The following METTL24 variants were observed in gnomAD, a reference collection of about 807,000 sequenced individuals.
METTL24 encodes methyltransferase like 24, also known as probable methyltransferase-like protein 24.
In METTL24, 29 loss-of-function variants were observed where a neutral mutation model predicts 32.7. That is an observed-to-expected ratio of 0.89 (90% CI 0.66 to 1.21). The LOEUF is 1.21. Ranked by LOEUF, METTL24 falls within the 50% of genes most tolerant of loss-of-function variation. METTL24 has a pLI of 0.00. For synonymous variants in METTL24, 163 were observed against 179.5 expected (o/e 0.91, Z 0.73); for missense variants, 439 against 468.1 (o/e 0.94, Z 0.57).
At chr6:110,289,090 G>A (rs1251489460) in intron 4 of METTL24, among the ~76,000 whole-genome samples, 4 of 152,120 alleles carry the variant, frequency 2.6e-5, no homozygotes, top group Admixed American at 2.6e-4. Context: ...GCTTCTAGAA[G>A]ACCAGGTCCT....
chr6:110,260,969 C>A (rs189180486), intron 4 of METTL24, among the ~76,000 whole-genome samples: 17 of 152,224 alleles, frequency 1.1e-4, no homozygotes, highest in African/African-American at 4.1e-4. Context: ...GAAGGAAGCA[C>A]TAAACATGGA....
intron 1 of METTL24, among the ~76,000 whole-genome samples, chr6:110,335,052 G>A (rs373163945): frequency 5.5e-4 from 84 of 152,312 alleles, no homozygotes; most frequent in Non-Finnish European, 9.7e-4. Flanking sequence ...AGGCAGAGTC[G>A]ACTGGACTCC....
At chr6:110,356,792 T>C (rs1275247987) in intron 1 of METTL24, among the ~76,000 whole-genome samples, 2 of 152,074 alleles carry the variant, frequency 1.3e-5, no homozygotes, top group African/African-American at 4.8e-5. Flanking sequence ...GGAGGTGAGG[T>C]TTGCGAGATA....
At chr6:110,324,431 G>A (rs557928915) in intron 1 of METTL24, among the ~76,000 whole-genome samples, 1 of 152,300 alleles carries the variant, frequency 6.6e-6, no homozygotes, top group East Asian at 1.9e-4. Context: ...GTCTTAGGAG[G>A]CCATGCTCAG....
chr6:110,336,279 C>T (rs1772225450), intron 1 of METTL24, among the ~76,000 whole-genome samples: 1 of 152,216 alleles, frequency 6.6e-6, no homozygotes, highest in African/African-American at 2.4e-5. Context: ...GAGGCCTTGC[C>T]TCTCATCCCT....
intron 1 of METTL24, among the ~76,000 whole-genome samples, chr6:110,333,557 G>T (rs1772149848): frequency 6.6e-6 from 1 of 152,112 alleles, no homozygotes; most frequent in African/African-American, 2.4e-5. Context: ...AGATTCAAGT[G>T]ATTTCTCCTG....
At chr6:110,251,744 A>T (rs577973469) in intron 4 of METTL24, among the ~76,000 whole-genome samples, 145 of 152,232 alleles carry the variant, frequency 9.5e-4, no homozygotes, top group Admixed American at 1.7e-3. Flanking sequence ...AGGGGAGTAA[A>T]CGGGCAAACT....
At chr6:110,263,325 A>G (rs1401425245) in intron 4 of METTL24, among the ~76,000 whole-genome samples, 2 of 152,190 alleles carry the variant, frequency 1.3e-5, no homozygotes, top group African/African-American at 4.8e-5. Flanking sequence ...ATACACCAAT[A>G]ACAGACAAAC....
At chr6:110,346,598 C>T (rs984466755) in intron 1 of METTL24, among the ~76,000 whole-genome samples, 7 of 151,746 alleles carry the variant, frequency 4.6e-5, no homozygotes, top group African/African-American at 1.5e-4. Context: ...TCCACCTCCC[C>T]GGTTCAAGTG....
intron 4 of METTL24, among the ~76,000 whole-genome samples, chr6:110,295,781 AAAAGAAAG>A (rs1171995373): frequency 9.0e-6 from 1 of 111,550 alleles, no homozygotes; most frequent in African/African-American, 4.5e-5. Context: ...CCCGGGAAAG[AAAAGAAAG>A]AAAGAAAGGA....
intron 4 of METTL24, among the ~76,000 whole-genome samples, chr6:110,270,557 G>A (rs1286023590): frequency 6.6e-6 from 1 of 152,036 alleles, no homozygotes; most frequent in Admixed American, 6.6e-5. Context: ...ACATTTTTCA[G>A]GCGCCAAAGA....
At position 110,323,685 on chromosome 6, in the gene METTL24, C is replaced by T. The variant is rs533888770; in HGVS notation, c.319-813G>A. 2.6e-5 allele frequency among the ~76,000 whole-genome samples: 4 copies of T among 152,126 alleles called. No individual in the cohort carries two copies. In the South Asian group the frequency reaches 8.3e-4, roughly 32 times the overall value. On this transcript the variant is annotated intron_variant, in intron 1 of 4. Coordinates refer to ENST00000338882, the MANE Select transcript of METTL24 (RefSeq NM_001123364.3). Reference sequence around the variant, plus strand: ...AACTCCCACCTATAGTTGTCAACACCAAGAGACCTCCAGGAGGTTTGCTGC... The same window carrying T: ...AACTCCCACCTATAGTTGTCAACACTAAGAGACCTCCAGGAGGTTTGCTGC...
chr6:110,296,069 A>G (rs1170856366), intron 4 of METTL24, among the ~76,000 whole-genome samples: 4 of 152,320 alleles, frequency 2.6e-5, no homozygotes, highest in East Asian at 3.9e-4. Flanking sequence ...CCAAAAGCCA[A>G]TAAGAGGACC....
chr6:110,298,969 T>TG lies in METTL24; in HGVS notation c.738dup (p.Asn247GlnfsTer11). The TG allele has an allele frequency of 6.2e-7, 1 of 1,614,202 alleles. No homozygotes were observed. The highest frequency in any genetic ancestry group is 1.1e-5 in the South Asian group (1 of 91,082). ...AAAATGCTTCCCAGTTTTCTGGTGTTGCTATGTGGTTTTTGGGCAGCAACA... is the reference window on the plus strand; with the variant it reads ...AAAATGCTTCCCAGTTTTCTGGTGTTGGCTATGTGGTTTTTGGGCAGCAACA... On this transcript the variant is annotated frameshift_variant, in exon 4 of 5. Coordinates refer to ENST00000338882, the MANE Select transcript of METTL24 (RefSeq NM_001123364.3). LOFTEE classifies it high-confidence loss of function.
intron 1 of METTL24, among the ~76,000 whole-genome samples, chr6:110,333,969 A>G (rs1468105917): frequency 6.6e-6 from 1 of 152,126 alleles, no homozygotes; most frequent in African/African-American, 2.4e-5. Context: ...ATCATTTTTA[A>G]TAAGAGTAAC....
At chr6:110,318,221 G>T (rs1003084725) in intron 2 of METTL24, among the ~76,000 whole-genome samples, 3 of 152,186 alleles carry the variant, frequency 2.0e-5, no homozygotes. Flanking sequence ...TATTAAAGAT[G>T]ACACTTTGTC....
intron 1 of METTL24, among the ~76,000 whole-genome samples, chr6:110,334,702 T>C (rs1407775818): frequency 6.6e-6 from 1 of 152,238 alleles, no homozygotes; most frequent in African/African-American, 2.4e-5. Flanking sequence ...ATGTCATTGG[T>C]TGCACGTAAC....
chr6:110,280,504 G>A (rs114363027), intron 4 of METTL24, among the ~76,000 whole-genome samples: 141 of 152,058 alleles, frequency 9.3e-4, no homozygotes, highest in African/African-American at 3.3e-3. Context: ...AATATATGTA[G>A]ATGAAATGTT....
intron 4 of METTL24, among the ~76,000 whole-genome samples, chr6:110,298,642 C>A (rs2114731482): frequency 6.6e-6 from 1 of 152,260 alleles, no homozygotes; most frequent in East Asian, 1.9e-4. Flanking sequence ...ATTCTTCAGC[C>A]TGTGCCAGAA....
Sources: allele counts gnomAD v4.1 joint callset (sites outside exome capture counted in the v4.1 genomes callset), GRCh38; gene constraint gnomAD v4.1.1; transcripts MANE v1.5; gene names NCBI Gene and HGNC (gene_info 2026-07-23, HGNC 2026-07-21).